The following OR11G2 variants were observed in gnomAD, a reference collection of about 807,000 sequenced individuals.
OR11G2 encodes olfactory receptor 11G2.
A neutral mutation model predicts 0.9 loss-of-function variants in OR11G2; 2 were observed. The observed-to-expected ratio is 2.35, with a 90% confidence interval of 0.96 to 7.38. The LOEUF is 7.38. Among genes scored for constraint, OR11G2 ranks in the 30% most tolerant of loss-of-function variants. OR11G2 has a pLI of 0.05. For missense variants in OR11G2, 395 were observed against 371.3 expected (o/e 1.06, Z -0.52); for synonymous variants, 153 against 142.0 (o/e 1.08, Z -0.55).
At chr14:20,193,953 G>A (rs1029839326) in intron 1 of OR11G2, among the ~76,000 whole-genome samples, 15 of 152,118 alleles carry the variant, frequency 9.9e-5, no homozygotes, top group African/African-American at 3.4e-4. Flanking sequence ...CTCTGCTTGC[G>A]AGTGTTTTCT....
At chr14:20,196,077 T>C (rs1879746079) in intron 1 of OR11G2, among the ~76,000 whole-genome samples, 1 of 152,094 alleles carries the variant, frequency 6.6e-6, no homozygotes, top group Admixed American at 6.6e-5. Flanking sequence ...TTGGTAAAAA[T>C]TGTTATATAG....
chr14:20,200,347 A>T lies in OR11G2; in HGVS notation c.*1974A>T, dbSNP rs1879877979. 1 of 152,186 alleles carries T rather than the reference A, an allele frequency of 6.6e-6. No individual in the cohort carries two copies. Among genetic ancestry groups the T allele is most frequent in the African/African-American group, 2.4e-5 (1 of 41,450 alleles). The allele number at this position is 152,186 out of a possible 1,614,324, so 9.4% of individuals were successfully genotyped here. On this transcript the variant is annotated 3_prime_UTR_variant, in exon 2 of 2. Transcript: ENST00000641879. ...TAAGAGAACAGAACAGTATCCCAGT[A>T]AGAAAATGAGCAAAAGGATATAAAC...
chr14:20,195,447 C>T lies in OR11G2; in HGVS notation c.-4-1987C>T, dbSNP rs145915794. 8.5e-5 allele frequency among the ~76,000 whole-genome samples: 13 copies of T among 152,228 alleles called. No homozygotes were observed. In the East Asian group the frequency reaches 2.3e-3, roughly 27 times the overall value. On this transcript the variant is annotated intron_variant, in intron 1 of 1. Coordinates refer to ENST00000641879, the MANE Select transcript of OR11G2 (RefSeq NM_001386033.1). ...CCCAGCTACTCATAAGGCTGAGGCA[C>T]GAGAATTGCTTGAACCCAGGAGGCG...
chr14:20,190,917 C>G lies in OR11G2; in HGVS notation c.-754C>G, dbSNP rs192870018. 2 of 152,272 alleles carry G rather than the reference C, an allele frequency of 1.3e-5. No homozygotes were observed. Among genetic ancestry groups the G allele is most frequent in the East Asian group, 3.9e-4 (2 of 5,112 alleles). 9.4% of individuals were successfully genotyped at this position (152,272 alleles called of 1,614,324 possible). On this transcript the variant is annotated 5_prime_UTR_variant, in exon 1 of 2. Transcript: ENST00000641879. ...CCTGAGGGCTCTGTTCATAATGCCT[C>G]CATCCTCCAGCAAACACCAAGAGAC...
At position 20,199,516 on chromosome 14, in the gene OR11G2, C is replaced by T. The variant is rs992986330; in HGVS notation, c.*1143C>T. 6.6e-6 allele frequency: 1 copy of T among 152,224 alleles called. No individual in the cohort carries two copies. The highest frequency in any genetic ancestry group is 1.5e-5 in the Non-Finnish European group (1 of 68,048). 9.4% of individuals were successfully genotyped at this position (152,224 alleles called of 1,614,324 possible). A position where few individuals can be genotyped will look rare whatever the true frequency, so the allele number is the denominator to read the frequency against. On this transcript the variant is annotated 3_prime_UTR_variant, in exon 2 of 2. Coordinates refer to ENST00000641879, the MANE Select transcript of OR11G2 (RefSeq NM_001386033.1). ...GTGAAACTCACCTCCCTTTTCTTCC[C>T]TTCATCTTGGACTGTAGCCCATGAA...
Position 20,198,120 on chromosome 14 carries a change from C to A in OR11G2, c.683C>A (p.Ala228Asp), listed in dbSNP as rs1879814705. 1.2e-6 allele frequency: 2 copies of A among 1,614,006 alleles called. No homozygotes were observed. Among genetic ancestry groups the A allele is most frequent in the Admixed American group, 1.7e-5 (1 of 59,998 alleles). The change falls in exon 2 of 2, where the codon GCT becomes GAT. Residue 228 changes from alanine (A) to aspartate (D), a missense_variant. Coordinates refer to ENST00000641879, the MANE Select transcript of OR11G2 (RefSeq NM_001386033.1). ...IVGSYALVVR[A>D]VLRVPSAAGR... is the part of the protein sequence containing the mutation. The stretch of plus-strand genomic sequence containing the variant: ...GGGTCCTATGCTCTGGTCGTGAGAG[C>A]TGTGTTGAGGGTCCCTTCAGCAGCT...
Position 20,200,171 on chromosome 14 carries a change from A to T in OR11G2, c.*1798A>T, listed in dbSNP as rs1201972475. On this transcript the variant is annotated 3_prime_UTR_variant, in exon 2 of 2. Coordinates refer to ENST00000641879, the MANE Select transcript of OR11G2 (RefSeq NM_001386033.1). ...GACTTAATTCCAAAAAAAAAAAAAA[A>T]AAAAGTTCCTATCCACCACCCTTTT... is the stretch of plus-strand genomic sequence containing the variant. The T allele has an allele frequency of 1.3e-5, 2 of 151,572 alleles. No individual in the cohort carries two copies. Among genetic ancestry groups the T allele is most frequent in the African/African-American group, 4.8e-5 (2 of 41,292 alleles). 9.4% of individuals were successfully genotyped at this position (151,572 alleles called of 1,614,324 possible).
intron 1 of OR11G2, among the ~76,000 whole-genome samples, chr14:20,193,594 T>G (rs932964188): frequency 6.6e-6 from 1 of 152,224 alleles, no homozygotes; most frequent in African/African-American, 2.4e-5. Flanking sequence ...TTTTACATTT[T>G]TAATATGTTT....
Position 20,197,812 on chromosome 14 carries a change from T to G in OR11G2, c.375T>G (p.Asp125Glu). ...ECFFLAVMAF[D>E]RYLAICRPLR... The stretch of plus-strand genomic sequence containing the variant: ...TTTTCCTGGCAGTTATGGCATTTGA[T>G]CGATACCTTGCCATCTGTCGGCCTC... The change falls in exon 2 of 2, where the codon GAT becomes GAG. Residue 125 changes from aspartate to glutamate, a missense_variant. Transcript: ENST00000641879. 1 of 1,614,152 alleles carries G rather than the reference T, an allele frequency of 6.2e-7. No individual in the cohort carries two copies. The highest frequency in any genetic ancestry group is 8.5e-7 in the Non-Finnish European group (1 of 1,180,042).
At position 20,198,421 on chromosome 14, in the gene OR11G2, T is replaced by TG. The variant is rs1566354374; in HGVS notation, c.*52dup. 2 of 1,402,346 alleles carry TG rather than the reference T, an allele frequency of 1.4e-6. No individual in the cohort carries two copies. The highest frequency in any genetic ancestry group is 2.9e-5 in the African/African-American group (2 of 68,800). The allele number at this position is 1,402,346 out of a possible 1,614,324, so 86.9% of individuals were successfully genotyped here. A position where few individuals can be genotyped will look rare whatever the true frequency, so the allele number is the denominator to read the frequency against. ...GCGTAATTAATCTTGTCTTTAATTTTGGGGTTTAAAAAAAAAACTGGTCTT... is the reference window on the plus strand; with the variant it reads ...GCGTAATTAATCTTGTCTTTAATTTTGGGGGTTTAAAAAAAAAACTGGTCTT... On this transcript the variant is annotated 3_prime_UTR_variant, in exon 2 of 2. Transcript: ENST00000641879.
chr14:20,198,068 G>C lies in OR11G2; in HGVS notation c.631G>C (p.Val211Leu), dbSNP rs2139114837. ...LVFSVLSPLP[V>L]FMLFLFIVGS... Reference sequence around the variant, plus strand: ...CTTTTCTGTCTTAAGTCCTCTGCCTGTCTTTATGCTCTTTCTCTTCATTGT... The same window carrying C: ...CTTTTCTGTCTTAAGTCCTCTGCCTCTCTTTATGCTCTTTCTCTTCATTGT... Residue 211 changes from valine (V) to leucine (L), a missense_variant, in exon 2 of 2, where the codon GTC becomes CTC. By Grantham distance (32) the Val-to-Leu change is conservative. Coordinates refer to ENST00000641879, the MANE Select transcript of OR11G2 (RefSeq NM_001386033.1). The C allele has an allele frequency of 1.9e-6, 3 of 1,614,110 alleles. No homozygotes were observed. The highest frequency in any genetic ancestry group is 1.7e-6 in the Non-Finnish European group (2 of 1,180,036).
rs1046935821 is a variant in OR11G2 at position 20,199,836 on chromosome 14, A to T, written c.*1463A>T. 1 of 152,188 alleles carries T rather than the reference A, an allele frequency of 6.6e-6. No homozygotes were observed. Among genetic ancestry groups the T allele is most frequent in the Non-Finnish European group, 1.5e-5 (1 of 68,032 alleles). 9.4% of individuals were successfully genotyped at this position (152,188 alleles called of 1,614,324 possible). A position where few individuals can be genotyped will look rare whatever the true frequency, so the allele number is the denominator to read the frequency against. On this transcript the variant is annotated 3_prime_UTR_variant, in exon 2 of 2. Coordinates refer to ENST00000641879, the MANE Select transcript of OR11G2 (RefSeq NM_001386033.1). Reference sequence around the variant, plus strand: ...ACCTGCTTTTCTTTTCATTGCAACCAGCAAAGAATCCCTGAGGACTCTTCC... The same window carrying T: ...ACCTGCTTTTCTTTTCATTGCAACCTGCAAAGAATCCCTGAGGACTCTTCC...
chr14:20,194,498 T>A (rs762788346), intron 1 of OR11G2, among the ~76,000 whole-genome samples: 19 of 152,160 alleles, frequency 1.2e-4, no homozygotes, highest in Admixed American at 4.6e-4. Flanking sequence ...AAAAATTGAT[T>A]AAACATTTAA....
In OR11G2 at chr14:20,197,767, C is replaced by T. The variant is rs1291812071; in HGVS notation, c.330C>T (p.Ser110=). 6.2e-7 allele frequency: 1 copy of T among 1,613,926 alleles called. No homozygotes were observed. Among genetic ancestry groups the T allele is most frequent in the Non-Finnish European group, 8.5e-7 (1 of 1,179,986 alleles). Residue 110 remains serine (S), a synonymous_variant, in exon 2 of 2, where the codon TCC becomes TCT. Coordinates refer to ENST00000641879, the MANE Select transcript of OR11G2 (RefSeq NM_001386033.1). ...TCCTCCAGTTCTACTTTTTCTTCTC[C>T]TTGGGCTCTACAGAATGCTTTTTCC... ...GCFLQFYFFF[S]LGSTECFFLA...
At chr14:20,197,314 C>T in intron 1 of OR11G2, 120 bp from the exon 2 acceptor site, 1 of 1,339,080 alleles carries the variant, frequency 7.5e-7, no homozygotes, top group Non-Finnish European at 1.0e-6. Flanking sequence ...TTACTTTTTA[C>T]TTTTATTTCA....
At chr14:20,194,993 C>A (rs80095961) in intron 1 of OR11G2, among the ~76,000 whole-genome samples, 1 of 152,064 alleles carries the variant, frequency 6.6e-6, no homozygotes, top group South Asian at 2.1e-4. Flanking sequence ...GTTTTCTGGG[C>A]CCCTAAACAA....
Position 20,198,621 on chromosome 14 carries a change from C to A in OR11G2, c.*248C>A, listed in dbSNP as rs955932558. 4 of 235,630 alleles carry A rather than the reference C, an allele frequency of 1.7e-5. No individual in the cohort carries two copies. In the Admixed American group the frequency reaches 2.1e-4, roughly 12 times the overall value. 14.6% of individuals were successfully genotyped at this position (235,630 alleles called of 1,614,324 possible). On this transcript the variant is annotated 3_prime_UTR_variant, in exon 2 of 2. Transcript: ENST00000641879. ...GCGGACGCCTGTAGTCCCAGCTACT[C>A]GGGAGGCTGAGGCAGGAGAATGGCG...
rs973320267 is a variant in OR11G2, at chr14:20,200,019, G to C, written c.*1646G>C. On this transcript the variant is annotated 3_prime_UTR_variant, in exon 2 of 2. Coordinates refer to ENST00000641879, the MANE Select transcript of OR11G2 (RefSeq NM_001386033.1). ...TTAGAAGCTTGGGCTAGTTCTCCTT[G>C]AACTTTCCCCTAGGCCTGGAGTGAA... 5.9e-5 allele frequency: 9 copies of C among 151,978 alleles called. No homozygotes were observed. Among genetic ancestry groups the C allele is most frequent in the Non-Finnish European group, 1.3e-4 (9 of 67,994 alleles). The allele number at this position is 151,978 out of a possible 1,614,324, so 9.4% of individuals were successfully genotyped here.
intron 1 of OR11G2, among the ~76,000 whole-genome samples, chr14:20,192,068 G>C (rs1879663981): frequency 1.3e-5 from 2 of 151,888 alleles, no homozygotes; most frequent in South Asian, 2.1e-4. Context: ...AATTTTTGTA[G>C]TATTAGTAAA....
Sources: allele counts gnomAD v4.1 joint callset (sites outside exome capture counted in the v4.1 genomes callset), GRCh38; gene constraint gnomAD v4.1.1; transcripts MANE v1.5; gene names NCBI Gene and HGNC (gene_info 2026-07-23, HGNC 2026-07-21).